Variants in CRIM1 observed in about 807,000 individuals in gnomAD.
CRIM1 encodes cysteine rich transmembrane BMP regulator 1, also known as cysteine-rich motor neuron 1 protein.
A neutral mutation model predicts 116.4 loss-of-function variants in CRIM1; 32 were observed. That is an observed-to-expected ratio of 0.27 (90% CI 0.21 to 0.37). The LOEUF (loss-of-function observed/expected upper bound fraction) is 0.37. Ranked by LOEUF, CRIM1 falls within the 10% of genes least tolerant of loss-of-function variation. The pLI, the probability that CRIM1 is intolerant of heterozygous loss-of-function variation, is 1.00. For missense variants in CRIM1, 1,331 were observed against 1,354.8 expected, an observed-to-expected ratio of 0.98 and a Z score of 0.28; for synonymous variants, 590 against 509.2, an observed-to-expected ratio of 1.16 and a Z score of -2.13.
intron 8 of CRIM1, among the ~76,000 whole-genome samples, chr2:36,503,439 G>C (rs190657054): frequency 2.3e-4 from 35 of 151,896 alleles, no homozygotes; most frequent in African/African-American, 8.2e-4. Context: ...AACTCTGGCT[G>C]GCATATGGCC....
chr2:36,486,242 T>C (rs11890094), intron 7 of CRIM1, among the ~76,000 whole-genome samples: 39,532 of 152,102 alleles, frequency 0.26, 5,385 homozygotes, highest in South Asian at 0.41. Context: ...ACATGTTAGA[T>C]CCACCACTTA....
intron 13 of CRIM1, chr2:36,531,663 G>A: frequency 3.6e-6 from 1 of 278,638 alleles, no homozygotes; most frequent in South Asian, 3.3e-5. Context: ...AGATAATGAA[G>A]TTTAAACAGT....
rs1664648594 is a variant in CRIM1 at position 36,511,172 on chromosome 2, C to A, written c.1658+1033C>A. Among the ~76,000 whole-genome samples the A allele has an allele frequency of 2.6e-5, 4 of 152,246 alleles. No homozygotes were observed. In the South Asian group the frequency reaches 8.3e-4, roughly 32 times the overall value. The stretch of plus-strand genomic sequence containing the variant: ...TCCCAGGCTGATCTGGAACTCCTGG[C>A]TCAAGCGATCAGCCTACCTTGGCCT... On this transcript the variant is annotated intron_variant, in intron 9 of 16. Coordinates refer to ENST00000280527, the MANE Select transcript of CRIM1 (RefSeq NM_016441.3).
Position 36,517,426 on chromosome 2 carries a change from C to T in CRIM1, c.2090C>T (p.Ser697Phe). Residue 697 changes from serine (S) to phenylalanine (F), a missense_variant, in exon 12 of 17, where the codon TCC (serine) becomes TTC (phenylalanine). Coordinates refer to ENST00000280527, the MANE Select transcript of CRIM1 (RefSeq NM_016441.3). ...FVEGETWNID[S>F]CTQCTCHSGR... ...GAAGGAGAAACGTGGAACATTGACTCCTGTACTCAGTGCACCTGCCACAGC... is the reference window on the plus strand; with the variant it reads ...GAAGGAGAAACGTGGAACATTGACTTCTGTACTCAGTGCACCTGCCACAGC... 8 of 1,614,220 alleles carry T rather than the reference C, an allele frequency of 5.0e-6. No individual in the cohort carries two copies. The highest frequency in any genetic ancestry group is 6.8e-6 in the Non-Finnish European group (8 of 1,180,040).
chr2:36,520,522 C>T (rs938724730), intron 12 of CRIM1, among the ~76,000 whole-genome samples: 1 of 152,210 alleles, frequency 6.6e-6, no homozygotes, highest in African/African-American at 2.4e-5. Context: ...CTATCTCTAA[C>T]CTATGTGGGT....
intron 9 of CRIM1, among the ~76,000 whole-genome samples, chr2:36,510,923 CTTTT>C (rs1013951561): frequency 1.8e-5 from 2 of 109,178 alleles, no homozygotes; most frequent in African/African-American, 7.0e-5. Context: ...GATTCCTTTT[CTTTT>C]TTTTTTTTTT....
Position 36,356,810 on chromosome 2 carries a change from T to C in CRIM1, c.331+187T>C, listed in dbSNP as rs1216841831. ...TCCCTCTCCTTGTTCCCCCCGACGCTTAGGCAGTCGCGGGCGAGGTTGGGT... is the reference window on the plus strand; with the variant it reads ...TCCCTCTCCTTGTTCCCCCCGACGCCTAGGCAGTCGCGGGCGAGGTTGGGT... On this transcript the variant is annotated intron_variant, in intron 1 of 16. Coordinates refer to ENST00000280527, the MANE Select transcript of CRIM1 (RefSeq NM_016441.3). The surrounding 1 kb of genome is among the most constrained non-coding windows in gnomAD (Gnocchi z 4.3). Among the ~76,000 whole-genome samples, 2 of 152,216 alleles carry C rather than the reference T, an allele frequency of 1.3e-5. No individual in the cohort carries two copies. The highest frequency in any genetic ancestry group is 4.8e-5 in the African/African-American group (2 of 41,466).
intron 2 of CRIM1, among the ~76,000 whole-genome samples, chr2:36,430,820 T>G (rs1470212886): frequency 1.3e-5 from 2 of 152,200 alleles, no homozygotes; most frequent in African/African-American, 4.8e-5. Flanking sequence ...GGGAGATCTT[T>G]GTTTGTTTTT....
At chr2:36,364,427 GC>G (rs1669453612) in intron 1 of CRIM1, among the ~76,000 whole-genome samples, 1 of 152,196 alleles carries the variant, frequency 6.6e-6, no homozygotes, top group African/African-American at 2.4e-5. Flanking sequence ...AACTGGAAAA[GC>G]AGACAATTCA....
intron 5 of CRIM1, among the ~76,000 whole-genome samples, chr2:36,470,281 T>G (rs142538224): frequency 1.2e-4 from 18 of 152,306 alleles, no homozygotes; most frequent in African/African-American, 3.8e-4. Context: ...AAGCTGCATG[T>G]CGAAGCTGCA....
At chr2:36,397,919 A>G (rs1052493544) in intron 2 of CRIM1, among the ~76,000 whole-genome samples, 1 of 152,166 alleles carries the variant, frequency 6.6e-6, no homozygotes, top group Admixed American at 6.5e-5. Context: ...GTTTCCACGC[A>G]TTTGATGAGT....
At chr2:36,478,850 T>A (rs1679188411) in intron 6 of CRIM1, among the ~76,000 whole-genome samples, 2 of 149,180 alleles carry the variant, frequency 1.3e-5, no homozygotes, top group South Asian at 4.3e-4. Context: ...TTTTTTTTTT[T>A]ACAGTAGCTT....
At chr2:36,501,761 GTAGTTAC>G (rs3836077) in intron 8 of CRIM1, among the ~76,000 whole-genome samples, 12,235 of 151,906 alleles carry the variant, frequency 0.081, 1,098 homozygotes, top group East Asian at 0.24. Flanking sequence ...TGTTGAGCTT[GTAGTTAC>G]TACCATCTTT....
rs138794470 is a variant in CRIM1, at chr2:36,475,393, C to T, written c.992-1496C>T. Reference sequence around the variant, plus strand: ...TTCTTCATTTTCTGATTGTTCATTGCTAGGGTATACAAACACAATTTGGGG... The same window carrying T: ...TTCTTCATTTTCTGATTGTTCATTGTTAGGGTATACAAACACAATTTGGGG... On this transcript the variant is annotated intron_variant, in intron 5 of 16. Transcript: ENST00000280527. Among the ~76,000 whole-genome samples, 95 of 152,128 alleles carry T rather than the reference C, an allele frequency of 6.2e-4. 1 individual carries two copies. The highest frequency in any genetic ancestry group is 2.0e-3 in the African/African-American group (85 of 41,492).
chr2:36,458,389 G>C (rs1332853582), intron 4 of CRIM1, among the ~76,000 whole-genome samples: 1 of 152,088 alleles, frequency 6.6e-6, no homozygotes, highest in Non-Finnish European at 1.5e-5. Context: ...CCTCCTCCAG[G>C]AATCTCCTGT....
Position 36,396,572 on chromosome 2 carries a change from A to G in CRIM1, c.332-42A>G, listed in dbSNP as rs143572502. ...TTGCCCGCGAACAGGCCTTTGAATG[A>G]AGCTGCAAACACACATTATCTGGTT... is the stretch of plus-strand genomic sequence containing the variant. On this transcript the variant is annotated intron_variant, in intron 1 of 16. Coordinates refer to ENST00000280527, the MANE Select transcript of CRIM1 (RefSeq NM_016441.3). The G allele has an allele frequency of 3.2e-4, 450 of 1,402,684 alleles. 2 individuals carry two copies. In the African/African-American group the frequency reaches 4.2e-3, roughly 13 times the overall value. 86.9% of individuals were successfully genotyped at this position (1,402,684 alleles called of 1,614,324 possible).
At chr2:36,517,574 T>C in intron 12 of CRIM1, 32 bp downstream of exon 12, 1 of 1,590,128 alleles carries the variant, frequency 6.3e-7, no homozygotes, top group East Asian at 2.3e-5. Flanking sequence ...GGGTGCTTGG[T>C]GGGGAAGGAT....
intron 13 of CRIM1, among the ~76,000 whole-genome samples, chr2:36,536,132 G>C (rs1017253251): frequency 8.3e-4 from 127 of 152,202 alleles, no homozygotes; most frequent in African/African-American, 3.0e-3. Flanking sequence ...TCTTCATAGA[G>C]AGGCACTTCC....
At chr2:36,405,631 T>C (rs1266092600) in intron 2 of CRIM1, among the ~76,000 whole-genome samples, 1 of 152,228 alleles carries the variant, frequency 6.6e-6, no homozygotes, top group Non-Finnish European at 1.5e-5. Flanking sequence ...ATAGAGTGTT[T>C]ATGTGAATCG....
Sources: allele counts gnomAD v4.1 joint callset (sites outside exome capture counted in the v4.1 genomes callset), GRCh38; gene constraint gnomAD v4.1.1; non-coding constraint Gnocchi (gnomAD v3.1); transcripts MANE v1.5; gene names NCBI Gene and HGNC (gene_info 2026-07-23, HGNC 2026-07-21).